The following PAX8 variants were observed in gnomAD, a reference collection of about 807,000 sequenced individuals.
The protein encoded by PAX8 is paired box 8.
A neutral mutation model predicts 52.4 loss-of-function variants in PAX8; 15 were observed. The observed-to-expected ratio is 0.29, with a 90% CI of 0.19 to 0.44. PAX8 has a LOEUF of 0.44. PAX8 is among the 20% of genes least tolerant of loss of function. The pLI, the probability that PAX8 is intolerant of heterozygous loss-of-function variation, is 1.00. For synonymous variants in PAX8, 284 were observed against 249.7 expected, an observed-to-expected ratio of 1.14 and a Z score of -1.29; for missense variants, 554 against 602.5, an observed-to-expected ratio of 0.92 and a Z score of 0.84.
At chr2:113,277,054 C>T (rs1214048113) in intron 2 of PAX8, among the ~76,000 whole-genome samples, 1 of 152,194 alleles carries the variant, frequency 6.6e-6, no homozygotes. Context: ...TAAAGAGGTG[C>T]CAGGGAGCTC....
At chr2:113,253,250 C>A (rs917576539) in intron 2 of PAX8, among the ~76,000 whole-genome samples, 2 of 152,182 alleles carry the variant, frequency 1.3e-5, no homozygotes, top group African/African-American at 4.8e-5. Flanking sequence ...TTTCTCTCCC[C>A]CTTCAAGGCC....
intron 2 of PAX8, among the ~76,000 whole-genome samples, chr2:113,256,406 G>C (rs981601498): frequency 6.6e-6 from 1 of 152,186 alleles, no homozygotes; most frequent in Non-Finnish European, 1.5e-5. Context: ...TGTGAGGCTG[G>C]CTCTGGGAGA....
intron 3 of PAX8, among the ~76,000 whole-genome samples, chr2:113,245,955 A>T (rs562861092): frequency 6.6e-6 from 1 of 152,180 alleles, no homozygotes; most frequent in East Asian, 1.9e-4. Context: ...GAGCAGGGGG[A>T]CAGGCACACG....
At chr2:113,250,881 ATCTT>A (rs1441575525) in intron 2 of PAX8, 2 of 152,254 alleles carry the variant, frequency 1.3e-5, no homozygotes, top group Non-Finnish European at 2.9e-5. Context: ...GTTAATGGTT[ATCTT>A]TCTTGAAGGA....
rs1164452252 is a variant in PAX8, at chr2:113,236,720, C to T, written c.779G>A (p.Gly260Asp). The change falls in exon 8 of 12, where the codon GGC becomes GAC. Residue 260 changes from glycine to aspartate, a missense_variant and splice_region_variant. Physicochemically the swap from Gly to Asp is moderately conservative, Grantham distance 94. Transcript: ENST00000429538. ...GTTGAGCAAGGGCAGCGGGTAGAGG[C>T]CCTGGGGAGCAAAGAGAAGTCAGCG... ...ASPSHTKGEQGLYPLPLLNST... is the reference protein window; with the variant it reads ...ASPSHTKGEQDLYPLPLLNST... The T allele has an allele frequency of 6.4e-7, 1 of 1,561,122 alleles. No individual in the cohort carries two copies. Among genetic ancestry groups the T allele is most frequent in the Non-Finnish European group, 8.7e-7 (1 of 1,153,796 alleles).
chr2:113,224,525 C>A (rs1169176191), intron 10 of PAX8, among the ~76,000 whole-genome samples: 3 of 117,910 alleles, frequency 2.5e-5, no homozygotes, highest in African/African-American at 1.0e-4. Flanking sequence ...CCAGCCTGGG[C>A]AACAGAGCAA....
chr2:113,234,631 C>T (rs568079042), intron 9 of PAX8, among the ~76,000 whole-genome samples: 1 of 152,352 alleles, frequency 6.6e-6, no homozygotes, highest in South Asian at 2.1e-4. Context: ...AGCGATTCTC[C>T]TGCCTCGGCC....
chr2:113,242,481 C>T (rs561404702), intron 5 of PAX8, among the ~76,000 whole-genome samples: 2 of 152,108 alleles, frequency 1.3e-5, no homozygotes, highest in Admixed American at 6.5e-5. Flanking sequence ...CAAGTGTTTG[C>T]ACCTCTCCAT....
At chr2:113,258,841 A>G (rs764847667) in intron 2 of PAX8, among the ~76,000 whole-genome samples, 2 of 152,002 alleles carry the variant, frequency 1.3e-5, no homozygotes, top group Non-Finnish European at 2.9e-5. Context: ...CCCAGCCCTT[A>G]GATTAACCCT....
At chr2:113,258,388 C>T (rs1692416384) in intron 2 of PAX8, among the ~76,000 whole-genome samples, 1 of 152,070 alleles carries the variant, frequency 6.6e-6, no homozygotes. Flanking sequence ...CTTTTATTTC[C>T]CTCCTGATTG....
intron 7 of PAX8, 137 bp from the exon 8 acceptor site, chr2:113,236,858 G>C: frequency 4.1e-6 from 4 of 986,934 alleles, no homozygotes; most frequent in Non-Finnish European, 4.3e-6. Flanking sequence ...CTTCCTTTAC[G>C]TTCTCAACTC....
intron 9 of PAX8, among the ~76,000 whole-genome samples, chr2:113,230,819 C>G (rs1689845482): frequency 6.6e-6 from 1 of 152,234 alleles, no homozygotes; most frequent in Non-Finnish European, 1.5e-5. Context: ...CTCTTACCTA[C>G]TTCTCTGTTT....
intron 10 of PAX8, chr2:113,225,562 G>A (rs1240096582): frequency 6.6e-6 from 1 of 152,220 alleles, no homozygotes; most frequent in African/African-American, 2.4e-5. Context: ...TTCACTTGCA[G>A]TCAGTGTCCT....
chr2:113,253,018 C>T (rs1691906708), intron 2 of PAX8, among the ~76,000 whole-genome samples: 2 of 152,228 alleles, frequency 1.3e-5, no homozygotes, highest in East Asian at 1.9e-4. Context: ...CTGCTCTGTG[C>T]CTCCTGCTTA....
intron 11 of PAX8, among the ~76,000 whole-genome samples, chr2:113,219,791 C>G (rs1003014251): frequency 2.0e-5 from 3 of 152,176 alleles, no homozygotes; most frequent in African/African-American, 7.2e-5. Context: ...CAAGTCCTCC[C>G]TTGTCCTCCC....
Position 113,236,695 on chromosome 2 carries a change from G to T in PAX8, c.804C>A (p.Asn268Lys). The change falls in exon 8 of 12, where the codon AAC (asparagine) becomes AAA (lysine). Residue 268 changes from asparagine to lysine, a missense_variant. Physicochemically the swap from Asn to Lys is moderately conservative, Grantham distance 94 (BLOSUM62 0). Coordinates refer to ENST00000429538, the MANE Select transcript of PAX8 (RefSeq NM_003466.4). ...EQGLYPLPLLNSTLDDGKATL... is the reference protein window; with the variant it reads ...EQGLYPLPLLKSTLDDGKATL... ...TGGCCTTCCCGTCGTCCAGGGTGCT[G>T]TTGAGCAAGGGCAGCGGGTAGAGGC... 9 of 1,581,412 alleles carry T rather than the reference G, an allele frequency of 5.7e-6. No homozygotes were observed. Among genetic ancestry groups the T allele is most frequent in the Non-Finnish European group, 7.7e-6 (9 of 1,164,152 alleles).
intron 3 of PAX8, among the ~76,000 whole-genome samples, chr2:113,244,897 C>G (rs1029933397): frequency 5.3e-5 from 8 of 152,146 alleles, no homozygotes; most frequent in Non-Finnish European, 1.2e-4. Context: ...CTCTTGTGTC[C>G]TAGCATCTGC....
At chr2:113,266,700 A>G (rs1032321357) in intron 2 of PAX8, 1 of 152,250 alleles carries the variant, frequency 6.6e-6, no homozygotes, top group Non-Finnish European at 1.5e-5. Flanking sequence ...AGTGAGCTCA[A>G]CTTCTTGAAA....
At chr2:113,224,414 G>A (rs1689423297) in intron 10 of PAX8, among the ~76,000 whole-genome samples, 1 of 152,048 alleles carries the variant, frequency 6.6e-6, no homozygotes, top group Non-Finnish European at 1.5e-5. Context: ...AGGTGTGGTG[G>A]TGGGTCCCTG....
Sources: gnomAD v4.1 joint callset for allele counts (sites outside exome capture counted in the v4.1 genomes callset) on GRCh38, gnomAD v4.1.1 for gene constraint, MANE v1.5 for transcripts, NCBI Gene and HGNC (gene_info 2026-07-23, HGNC 2026-07-21) for gene names.